SLC4A4: variants seen among roughly 807,000 people sequenced by gnomAD.
The protein encoded by SLC4A4 is electrogenic sodium bicarbonate cotransporter 1.
A neutral mutation model predicts 111.5 loss-of-function variants in SLC4A4; 27 were observed. That is an observed-to-expected ratio of 0.24 (90% CI 0.18 to 0.33). The LOEUF (loss-of-function observed/expected upper bound fraction) is 0.33. Among genes scored for constraint, SLC4A4 ranks in the 10% least tolerant of loss-of-function variants. The probability of loss-of-function intolerance (pLI) is 1.00; values close to 1 mark genes in which losing one functional copy is unlikely to be tolerated. For synonymous variants in SLC4A4, 443 were observed against 463.4 expected, an observed-to-expected ratio of 0.96 and a Z score of 0.57; for missense variants, 909 against 1,315.5, an observed-to-expected ratio of 0.69 and a Z score of 4.78.
chr4:71,317,000 G>A (rs762624708), intron 3 of SLC4A4, among the ~76,000 whole-genome samples: 18 of 151,996 alleles, frequency 1.2e-4, no homozygotes, highest in South Asian at 4.2e-4. Flanking sequence ...GGCTACAGGC[G>A]TGCACCAGTA....
intron 6 of SLC4A4, among the ~76,000 whole-genome samples, chr4:71,366,178 G>A (rs1433666276): frequency 1.3e-5 from 2 of 152,256 alleles, no homozygotes; most frequent in South Asian, 2.1e-4. Context: ...TAGCAGTGCC[G>A]AGTGCATAGG....
intron 2 of SLC4A4, among the ~76,000 whole-genome samples, chr4:71,121,222 C>T (rs1034055121): frequency 6.6e-6 from 1 of 151,962 alleles, no homozygotes; most frequent in Non-Finnish European, 1.5e-5. Context: ...TCCCTCCCCC[C>T]TCCCCTTGGC....
chr4:71,433,853 A>G (rs569660307), intron 7 of SLC4A4, among the ~76,000 whole-genome samples: 15 of 152,222 alleles, frequency 9.9e-5, no homozygotes, highest in Middle Eastern at 3.4e-3. Context: ...GCCAAATAGT[A>G]GGATGTATAA....
At chr4:71,287,618 A>G (rs752313262) in intron 3 of SLC4A4, among the ~76,000 whole-genome samples, 15 of 152,198 alleles carry the variant, frequency 9.9e-5, no homozygotes, top group Non-Finnish European at 1.9e-4. Flanking sequence ...TTTTAATCAA[A>G]TACATCTTGT....
At position 71,307,342 on chromosome 4, in the gene SLC4A4, G is replaced by A. The variant is rs533339212; in HGVS notation, c.254-32028G>A. 5.3e-5 allele frequency among the ~76,000 whole-genome samples: 8 copies of A among 152,238 alleles called. No homozygotes were observed. The South Asian group carries it at 1.7e-3, about 32-fold the overall frequency. ...CCATGCCTCACTGAGACTCAGACCT[G>A]GTAATCTGTGTTTTTAATTATTTAA... On this transcript the variant is annotated intron_variant, in intron 3 of 25. Transcript: ENST00000264485.
chr4:71,393,818 T>C (rs1257434441), intron 6 of SLC4A4, among the ~76,000 whole-genome samples: 7 of 152,126 alleles, frequency 4.6e-5, no homozygotes, highest in Non-Finnish European at 1.0e-4. Context: ...AATAGGCACA[T>C]AGACCAATGG....
intron 7 of SLC4A4, among the ~76,000 whole-genome samples, chr4:71,425,852 G>T (rs940678954): frequency 6.6e-6 from 1 of 152,002 alleles, no homozygotes; most frequent in African/African-American, 2.4e-5. Context: ...TTCTTATGCA[G>T]ATAAAACCTC....
intron 3 of SLC4A4, among the ~76,000 whole-genome samples, chr4:71,279,849 G>T (rs549533765): frequency 1.3e-5 from 2 of 152,200 alleles, no homozygotes; most frequent in South Asian, 2.1e-4. Flanking sequence ...AGGCTGGAGC[G>T]CAGTGGCATG....
intron 2 of SLC4A4, among the ~76,000 whole-genome samples, chr4:71,124,317 G>A (rs1007836981): frequency 6.6e-6 from 1 of 151,932 alleles, no homozygotes; most frequent in African/African-American, 2.4e-5. Context: ...GACTACAGGT[G>A]CCCGCCACCA....
At chr4:71,524,047 C>T (rs1733199648) in intron 16 of SLC4A4, among the ~76,000 whole-genome samples, 1 of 152,206 alleles carries the variant, frequency 6.6e-6, no homozygotes, top group South Asian at 2.1e-4. Flanking sequence ...CCTCTGTCCA[C>T]AGGGTCTGCA....
chr4:71,179,657 C>T (rs1745221762), intron 2 of SLC4A4, among the ~76,000 whole-genome samples: 1 of 152,040 alleles, frequency 6.6e-6, no homozygotes, highest in East Asian at 1.9e-4. Flanking sequence ...ATGTGAAGGA[C>T]CCCTTCAAGG....
intron 9 of SLC4A4, among the ~76,000 whole-genome samples, chr4:71,448,743 A>G (rs1725488698): frequency 6.6e-6 from 1 of 151,982 alleles, no homozygotes; most frequent in South Asian, 2.1e-4. Context: ...TGGGCTTACT[A>G]TTTCCCCAAA....
intron 16 of SLC4A4, among the ~76,000 whole-genome samples, chr4:71,522,920 A>G (rs4645182): frequency 0.74 from 112,718 of 152,072 alleles, 44,376 homozygotes; most frequent in Non-Finnish European, 0.89. Flanking sequence ...TTTAGTTTTT[A>G]TTGATGTAAG....
intron 2 of SLC4A4, among the ~76,000 whole-genome samples, chr4:71,241,167 A>T (rs1481991084): frequency 6.6e-6 from 1 of 152,134 alleles, no homozygotes; most frequent in East Asian, 1.9e-4. Flanking sequence ...TTGTTATCTT[A>T]GTACTCTTAT....
intron 1 of SLC4A4, among the ~76,000 whole-genome samples, chr4:71,090,522 A>T (rs1368410377): frequency 6.6e-6 from 1 of 152,210 alleles, no homozygotes; most frequent in Non-Finnish European, 1.5e-5. Context: ...AGAAATAAAA[A>T]TGTATGTGTT....
At chr4:71,165,040 A>AC (rs1416952323) in intron 2 of SLC4A4, among the ~76,000 whole-genome samples, 1 of 152,262 alleles carries the variant, frequency 6.6e-6, no homozygotes, top group East Asian at 1.9e-4. Context: ...GATCATTAAA[A>AC]AGTCAGGAAA....
At chr4:71,100,189 A>G (rs1742683086) in intron 2 of SLC4A4, among the ~76,000 whole-genome samples, 1 of 152,200 alleles carries the variant, frequency 6.6e-6, no homozygotes, top group Admixed American at 6.5e-5. Context: ...ATGAATATAG[A>G]TGCAAAATCC....
In SLC4A4 at chr4:71,342,357, A is replaced by G. The variant is rs73826253; in HGVS notation, c.389+2852A>G. Among the ~76,000 whole-genome samples, 1,196 of 152,312 alleles carry G rather than the reference A, an allele frequency of 7.9e-3. 17 individuals carry two copies. The highest frequency in any genetic ancestry group is 0.025 in the African/African-American group (1,058 of 41,572). Reference sequence around the variant, plus strand: ...TCTTTTCCTTCTTTCTGATAGAAAAATACAGTGTGAGAATTGTCCTGGTGC... The same window carrying G: ...TCTTTTCCTTCTTTCTGATAGAAAAGTACAGTGTGAGAATTGTCCTGGTGC... On this transcript the variant is annotated intron_variant, in intron 4 of 25. Transcript: ENST00000264485.
At chr4:71,458,374 A>C (rs1726491416) in intron 12 of SLC4A4, among the ~76,000 whole-genome samples, 1 of 152,132 alleles carries the variant, frequency 6.6e-6, no homozygotes, top group Non-Finnish European at 1.5e-5. Flanking sequence ...TATGAGATAC[A>C]GAAAAGTATT....
Sources: allele counts gnomAD v4.1 joint callset (sites outside exome capture counted in the v4.1 genomes callset), GRCh38; gene constraint gnomAD v4.1.1; transcripts MANE v1.5; gene names NCBI Gene and HGNC (gene_info 2026-07-23, HGNC 2026-07-21).